The following COL10A1 variants were observed in gnomAD, a reference collection of about 807,000 sequenced individuals.
COL10A1 encodes the protein collagen type X alpha 1 chain, also known as collagen alpha-1(X) chain.
COL10A1 carries 10 observed loss-of-function variants against 18.2 expected under a neutral mutation model. The observed-to-expected ratio is 0.55, with a 90% CI of 0.34 to 0.93. The LOEUF (loss-of-function observed/expected upper bound fraction) is 0.93, where lower values mean the gene tolerates loss of function less well. Ranked by LOEUF, COL10A1 falls within the 40% of genes least tolerant of loss-of-function variation. The pLI is 0.02. For synonymous variants in COL10A1, 330 were observed against 316.6 expected (o/e 1.04, Z -0.45); for missense variants, 897 against 853.5 (o/e 1.05, Z -0.64).
the COL10A1 span, among the ~76,000 whole-genome samples, chr6:116,176,209 G>C: frequency 6.6e-6 from 1 of 152,184 alleles, no homozygotes; most frequent in East Asian, 1.9e-4. Context: ...GCTTAGGGAT[G>C]CTGTGCTGGC....
At chr6:116,210,356 T>C in the COL10A1 span, among the ~76,000 whole-genome samples, 2 of 147,990 alleles carry the variant, frequency 1.4e-5, no homozygotes, top group African/African-American at 4.9e-5. Flanking sequence ...AATGTAATAA[T>C]GTACCATGTG....
chr6:116,133,054 A>T (rs1338205641), intron 1 of COL10A1, among the ~76,000 whole-genome samples: 1 of 152,180 alleles, frequency 6.6e-6, no homozygotes, highest in Non-Finnish European at 1.5e-5. Flanking sequence ...AAAAACTGAG[A>T]GTCATTTACA....
chr6:116,203,597 ACAC>A, the COL10A1 span, among the ~76,000 whole-genome samples: 1 of 151,930 alleles, frequency 6.6e-6, no homozygotes, highest in Non-Finnish European at 1.5e-5. Flanking sequence ...TAATATAACT[ACAC>A]CACATTTTAT....
At chr6:116,195,448 G>C in the COL10A1 span, among the ~76,000 whole-genome samples, 1 of 151,724 alleles carries the variant, frequency 6.6e-6, no homozygotes, top group African/African-American at 2.4e-5. Flanking sequence ...TACCAGATTA[G>C]GTTGGTCATG....
At chr6:116,158,086 C>G (rs190863172) in intron 1 of COL10A1, among the ~76,000 whole-genome samples, 41 of 152,298 alleles carry the variant, frequency 2.7e-4, no homozygotes, top group Admixed American at 2.4e-3. Context: ...GTCAATTTCT[C>G]TGAACTACAA....
intron 1 of COL10A1, among the ~76,000 whole-genome samples, chr6:116,135,855 A>G (rs1438695272): frequency 3.4e-5 from 4 of 118,406 alleles, no homozygotes; most frequent in African/African-American, 1.4e-4. Flanking sequence ...ATATATATAT[A>G]TATATATATA....
At chr6:116,181,625 G>C in the COL10A1 span, among the ~76,000 whole-genome samples, 1 of 151,902 alleles carries the variant, frequency 6.6e-6, no homozygotes, top group Non-Finnish European at 1.5e-5. Context: ...ATTAAAATCA[G>C]TTGTATATCC....
intron 1 of COL10A1, among the ~76,000 whole-genome samples, chr6:116,155,643 A>C (rs1780170634): frequency 6.6e-6 from 1 of 152,064 alleles, no homozygotes. Context: ...ACTCCATTAC[A>C]ACATAGGTTG....
chr6:116,198,601 T>C, the COL10A1 span, among the ~76,000 whole-genome samples: 1 of 151,822 alleles, frequency 6.6e-6, no homozygotes, highest in Non-Finnish European at 1.5e-5. Flanking sequence ...TCTGGTGGTG[T>C]GCACCTGCAG....
chr6:116,132,740 G>T (rs1403295756), intron 1 of COL10A1, among the ~76,000 whole-genome samples: 2 of 152,114 alleles, frequency 1.3e-5, no homozygotes, highest in Admixed American at 1.3e-4. Context: ...CCCTGTTCTG[G>T]CAGGATACTG....
At chr6:116,207,882 C>G in the COL10A1 span, among the ~76,000 whole-genome samples, 26 of 151,868 alleles carry the variant, frequency 1.7e-4, no homozygotes. Flanking sequence ...GGGTTCCCAT[C>G]ACAGATTATT....
chr6:116,211,535 G>T, the COL10A1 span, among the ~76,000 whole-genome samples: 3 of 151,720 alleles, frequency 2.0e-5, no homozygotes, highest in Non-Finnish European at 2.9e-5. Flanking sequence ...TTGTATATTT[G>T]GTTATTCTTA....
At chr6:116,213,240 C>T in the COL10A1 span, among the ~76,000 whole-genome samples, 2 of 152,066 alleles carry the variant, frequency 1.3e-5, no homozygotes, top group Non-Finnish European at 2.9e-5. Context: ...CTTCTGAAGG[C>T]ATGACTGGGC....
chr6:116,188,410 C>T, the COL10A1 span, among the ~76,000 whole-genome samples: 1 of 152,092 alleles, frequency 6.6e-6, no homozygotes, highest in Non-Finnish European at 1.5e-5. Context: ...AAATATCCCT[C>T]AATAGTGCAG....
At chr6:116,163,570 A>G (rs888264762), upstream of COL10A1, among the ~76,000 whole-genome samples, 4 of 151,796 alleles carry the variant, frequency 2.6e-5, no homozygotes, top group Admixed American at 1.3e-4. Flanking sequence ...TAAACAACCA[A>G]CTTTTGGCTT....
rs763819850 is a variant in COL10A1 at position 116,121,691 on chromosome 6, C to T, written c.425G>A (p.Gly142Glu). ...AGLPGPRGPP[G>E]PPGIPGPAGI... Reference sequence around the variant, plus strand: ...AGCCGGTCCAGGGATTCCAGGTGGTCCTGGTGGGCCCCGGGGTCCTGGTAG... The same window carrying T: ...AGCCGGTCCAGGGATTCCAGGTGGTTCTGGTGGGCCCCGGGGTCCTGGTAG... The change falls in exon 3 of 3, where the codon GGA becomes GAA. Residue 142 changes from glycine (G) to glutamate (E), a missense_variant. Transcript: ENST00000651968. 11 of 1,613,732 alleles carry T rather than the reference C, an allele frequency of 6.8e-6. No individual in the cohort carries two copies. The highest frequency in any genetic ancestry group is 5.0e-5 in the Admixed American group (3 of 60,022).
At chr6:116,141,885 AACACACACACACACAC>A (rs3051942) in intron 1 of COL10A1, among the ~76,000 whole-genome samples, 33 of 140,404 alleles carry the variant, frequency 2.4e-4, no homozygotes, top group Non-Finnish European at 4.2e-4. Context: ...CCAAAAAGAA[AACACACACACACACAC>A]ACACACACAC....
chr6:116,170,568 A>C, the COL10A1 span, among the ~76,000 whole-genome samples: 2 of 152,194 alleles, frequency 1.3e-5, no homozygotes, highest in Non-Finnish European at 2.9e-5. Flanking sequence ...AGTGCACCTT[A>C]GCTGTTGGGT....
chr6:116,127,805 T>A (rs1206832755), upstream of COL10A1, among the ~76,000 whole-genome samples: 2 of 152,178 alleles, frequency 1.3e-5, no homozygotes, highest in Non-Finnish European at 2.9e-5. Flanking sequence ...TAGTTATCAC[T>A]CGTGAACGTT....
Sources: allele counts gnomAD v4.1 joint callset (sites outside exome capture counted in the v4.1 genomes callset), GRCh38; gene constraint gnomAD v4.1.1; transcripts MANE v1.5; gene names NCBI Gene and HGNC (gene_info 2026-07-23, HGNC 2026-07-21).